Variants in SLC9A7 observed in about 807,000 individuals in gnomAD.
The protein encoded by SLC9A7 is sodium/hydrogen exchanger 7.
Under a neutral mutation model 52.6 loss-of-function variants are expected in SLC9A7, and 19 were observed. The ratio of observed to expected loss-of-function variants is 0.36; its 90% CI spans 0.25 to 0.53. The LOEUF (loss-of-function observed/expected upper bound fraction) is 0.53. SLC9A7 is among the 20% of genes least tolerant of loss of function. The pLI, the probability that SLC9A7 is intolerant of heterozygous loss-of-function variation, is 0.91. For missense variants in SLC9A7, 455 were observed against 597.9 expected (o/e 0.76, Z 2.49); for synonymous variants, 226 against 252.1 (o/e 0.90, Z 0.98).
At chrX:46,641,445 A>G (rs990622945) in intron 12 of SLC9A7, among the ~76,000 whole-genome samples, 4 of 112,164 alleles carry the variant, frequency 3.6e-5, no homozygotes, top group African/African-American at 1.3e-4. Context: ...CAGAGCATCT[A>G]CTAGGTGACC....
intron 12 of SLC9A7, among the ~76,000 whole-genome samples, chrX:46,641,828 C>T (rs1445970047): frequency 8.9e-6 from 1 of 112,038 alleles, no homozygotes; most frequent in Non-Finnish European, 1.9e-5. Flanking sequence ...CAAATTACTG[C>T]TTTGTGCCTC....
At chrX:46,633,624 T>C (rs916017697) in intron 13 of SLC9A7, among the ~76,000 whole-genome samples, 19 of 105,522 alleles carry the variant, frequency 1.8e-4, no homozygotes, top group Non-Finnish European at 3.1e-4. Context: ...TGTTTTGGTG[T>C]GGAACTGGGC....
At chrX:46,620,028 G>A (rs1943018184) in intron 15 of SLC9A7, among the ~76,000 whole-genome samples, 1 of 112,020 alleles carries the variant, frequency 8.9e-6, no homozygotes, top group Non-Finnish European at 1.9e-5. Flanking sequence ...GTACTTTTCT[G>A]TATATCTACT....
At chrX:46,689,344 A>G (rs1282035956) in intron 1 of SLC9A7, among the ~76,000 whole-genome samples, 2 of 112,255 alleles carry the variant, frequency 1.8e-5, no homozygotes, top group African/African-American at 6.5e-5. Context: ...GTGAATTAAC[A>G]CTTCATCTCA....
Position 46,751,044 on chromosome X carries a change from T to C in SLC9A7, c.325+7661A>G, listed in dbSNP as rs927317549. Among the ~76,000 whole-genome samples the C allele has an allele frequency of 9.8e-5, 11 of 112,597 alleles. No individual in the cohort carries two copies. The South Asian group carries it at 3.3e-3, about 34-fold the overall frequency. On this transcript the variant is annotated intron_variant, in intron 1 of 16. Coordinates refer to ENST00000616978, the MANE Select transcript of SLC9A7 (RefSeq NM_001257291.2). ...ACTAGACTATGTTTCCCTGGCTCCC[T>C]TCCAGTTAGATGTGGCCTTGTAACC...
At chrX:46,749,229 T>C (rs1922057885) in intron 1 of SLC9A7, among the ~76,000 whole-genome samples, 1 of 112,245 alleles carries the variant, frequency 8.9e-6, no homozygotes, top group South Asian at 3.7e-4. Flanking sequence ...TTATAGCATC[T>C]TATTTTTTGA....
intron 1 of SLC9A7, among the ~76,000 whole-genome samples, chrX:46,731,431 T>G (rs1159652528): frequency 3.4e-5 from 1 of 29,288 alleles, no homozygotes; most frequent in Non-Finnish European, 1.0e-4. Flanking sequence ...ATATAAAAAA[T>G]TAAAAAAAAT....
intron 1 of SLC9A7, among the ~76,000 whole-genome samples, chrX:46,748,939 C>A (rs1340997720): frequency 9.1e-6 from 1 of 110,203 alleles, no homozygotes; most frequent in East Asian, 2.8e-4. Flanking sequence ...GATAAAACGG[C>A]AAGTTTTATG....
At chrX:46,610,616 C>T (rs1406822026) in intron 16 of SLC9A7, among the ~76,000 whole-genome samples, 1 of 111,594 alleles carries the variant, frequency 9.0e-6, no homozygotes, top group Non-Finnish European at 1.9e-5. Context: ...GGCAGGACCC[C>T]GGCTCAAAGC....
intron 2 of SLC9A7, among the ~76,000 whole-genome samples, chrX:46,681,547 T>C (rs182212592): frequency 8.9e-6 from 1 of 112,140 alleles, no homozygotes; most frequent in East Asian, 2.8e-4. Flanking sequence ...CAGGCTACAC[T>C]CTGCCTTTCA....
At chrX:46,704,172 C>G (rs1215518218) in intron 1 of SLC9A7, among the ~76,000 whole-genome samples, 5 of 110,963 alleles carry the variant, frequency 4.5e-5, no homozygotes, top group Non-Finnish European at 9.4e-5. Context: ...ACCTGTGTCA[C>G]AAAGTCAACC....
intron 1 of SLC9A7, among the ~76,000 whole-genome samples, chrX:46,741,044 G>A (rs753063010): frequency 5.4e-5 from 6 of 111,886 alleles, no homozygotes; most frequent in Non-Finnish European, 1.1e-4. Flanking sequence ...AATATCAAAT[G>A]TAATACCATC....
chrX:46,622,264 A>G (rs1943058611), intron 14 of SLC9A7, among the ~76,000 whole-genome samples: 2 of 111,655 alleles, frequency 1.8e-5, no homozygotes, highest in Admixed American at 9.5e-5. Context: ...TTGATTTTAC[A>G]TTTTTATAAA....
intron 16 of SLC9A7, among the ~76,000 whole-genome samples, chrX:46,610,011 G>C (rs1942821826): frequency 8.9e-6 from 1 of 111,990 alleles, no homozygotes; most frequent in Non-Finnish European, 1.9e-5. Context: ...CTGGGCAAGA[G>C]AGCGAGACTG....
intron 1 of SLC9A7, among the ~76,000 whole-genome samples, chrX:46,734,989 A>G (rs1945098935): frequency 8.9e-6 from 1 of 111,890 alleles, no homozygotes; most frequent in South Asian, 3.6e-4. Context: ...TCTTCTGTGC[A>G]TGACTTCTTT....
At chrX:46,697,666 T>C (rs1018233571) in intron 1 of SLC9A7, among the ~76,000 whole-genome samples, 3 of 111,502 alleles carry the variant, frequency 2.7e-5, no homozygotes, top group African/African-American at 9.8e-5. Flanking sequence ...AATAATTGCA[T>C]TAACTGCACA....
chrX:46,742,503 A>G (rs1451725272), intron 1 of SLC9A7, among the ~76,000 whole-genome samples: 1 of 111,296 alleles, frequency 9.0e-6, no homozygotes, highest in African/African-American at 3.3e-5. Context: ...TGAAAAGGCT[A>G]GTCCCAAAAT....
intron 14 of SLC9A7, among the ~76,000 whole-genome samples, chrX:46,622,563 A>C (rs1317159531): frequency 9.0e-6 from 1 of 111,636 alleles, no homozygotes; most frequent in Non-Finnish European, 1.9e-5. Flanking sequence ...GCACAAAACG[A>C]GTACCCCAAA....
At chrX:46,656,891 G>A (rs1303793091) in intron 7 of SLC9A7, among the ~76,000 whole-genome samples, 3 of 103,510 alleles carry the variant, frequency 2.9e-5, no homozygotes, top group African/African-American at 7.1e-5. Context: ...GATACTCCTC[G>A]AGAAGAGCAA....
Sources: gnomAD v4.1 joint callset for allele counts (sites outside exome capture counted in the v4.1 genomes callset) on GRCh38, gnomAD v4.1.1 for gene constraint, MANE v1.5 for transcripts, NCBI Gene and HGNC (gene_info 2026-07-23, HGNC 2026-07-21) for gene names.